MORC1: variants seen among roughly 807,000 people sequenced by gnomAD.
The protein encoded by MORC1 is MORC family CW-type zinc finger 1, also known as MORC family CW-type zinc finger protein 1.
Under a neutral mutation model 134.9 loss-of-function variants are expected in MORC1, and 59 were observed. The ratio of observed to expected loss-of-function variants is 0.44; its 90% CI spans 0.35 to 0.54. MORC1 has a LOEUF of 0.54. Ranked by LOEUF, MORC1 falls within the 20% of genes least tolerant of loss-of-function variation. MORC1 has a pLI of 0.00. For synonymous variants in MORC1, 395 were observed against 391.7 expected, an observed-to-expected ratio of 1.01 and a Z score of -0.10; for missense variants, 947 against 1,134.5, an observed-to-expected ratio of 0.83 and a Z score of 2.37.
At chr3:109,066,381 G>A (rs1040899316) in intron 9 of MORC1, among the ~76,000 whole-genome samples, 3 of 109,614 alleles carry the variant, frequency 2.7e-5, no homozygotes, top group Non-Finnish European at 6.0e-5. Context: ...CACCTCCTGG[G>A]TTCAAGTGAG....
rs371780496 is a variant in MORC1 at position 109,069,914 on chromosome 3, A to C, written c.690-157T>G. Among the ~76,000 whole-genome samples the C allele has an allele frequency of 3.7e-4, 57 of 152,310 alleles. 2 individuals are homozygous for C. The East Asian group carries it at 7.1e-3, about 19-fold the overall frequency. On this transcript the variant is annotated intron_variant, in intron 8 of 27. Coordinates refer to ENST00000232603, the MANE Select transcript of MORC1 (RefSeq NM_014429.4). ...AATGACACCACAAACACCAGCAAAT[A>C]TCACAACACTCACTTCATTAAGGAG...
At position 109,000,668 on chromosome 3, in the gene MORC1, G is replaced by A. The variant is rs1217879629; in HGVS notation, c.2086-10C>T. The A allele has an allele frequency of 2.5e-6, 4 of 1,593,380 alleles. No individual in the cohort carries two copies. Among genetic ancestry groups the A allele is most frequent in the Middle Eastern group, 1.7e-4 (1 of 5,986 alleles). ...TTTCCCAAGAAGCGGCCTATAACAA[G>A]GAATTAACAAAAAAAATACAAGGAT... On this transcript the variant is annotated splice_polypyrimidine_tract_variant and intron_variant, in intron 20 of 27. Coordinates refer to ENST00000232603, the MANE Select transcript of MORC1 (RefSeq NM_014429.4).
intron 13 of MORC1, among the ~76,000 whole-genome samples, chr3:109,055,362 T>A (rs1949933502): frequency 6.6e-6 from 1 of 152,214 alleles, no homozygotes; most frequent in Non-Finnish European, 1.5e-5. Flanking sequence ...GGCTTATCCA[T>A]GAGGATCTCA....
chr3:108,973,626 A>T (rs1576582993), intron 24 of MORC1, among the ~76,000 whole-genome samples: 2 of 120,922 alleles, frequency 1.7e-5, no homozygotes, highest in African/African-American at 6.4e-5. Context: ...ACTGAGTCTC[A>T]CTCTGTTGCT....
At chr3:109,039,100 A>G (rs2107627215) in intron 14 of MORC1, among the ~76,000 whole-genome samples, 1 of 152,238 alleles carries the variant, frequency 6.6e-6, no homozygotes, top group South Asian at 2.1e-4. Context: ...TATTTTTAGT[A>G]GAGATGGACT....
chr3:108,982,019 C>T (rs1310159270), intron 23 of MORC1, among the ~76,000 whole-genome samples: 2 of 152,154 alleles, frequency 1.3e-5, no homozygotes, highest in East Asian at 3.9e-4. Flanking sequence ...TGACAAAGGG[C>T]TAATATCCAG....
rs1168450005 is a variant in MORC1, at chr3:109,093,427, C to T, written c.689+9G>A. Reference sequence around the variant, plus strand: ...TTGTTGAAAAACATTCTGTCAAACACACACATACTCCTCCAGAGCTCCAGC... The same window carrying T: ...TTGTTGAAAAACATTCTGTCAAACATACACATACTCCTCCAGAGCTCCAGC... On this transcript the variant is annotated intron_variant, in intron 8 of 27. Coordinates refer to ENST00000232603, the MANE Select transcript of MORC1 (RefSeq NM_014429.4). 2.5e-6 allele frequency: 4 copies of T among 1,599,670 alleles called. No homozygotes were observed. In the African/African-American group the frequency reaches 5.4e-5, roughly 21 times the overall value.
At chr3:108,985,751 T>C (rs1947879065) in intron 22 of MORC1, among the ~76,000 whole-genome samples, 1 of 152,224 alleles carries the variant, frequency 6.6e-6, no homozygotes, top group Non-Finnish European at 1.5e-5. Flanking sequence ...ATATTAATTT[T>C]AGGATAAAAT....
chr3:109,098,381 G>A (rs1464041929), intron 6 of MORC1, among the ~76,000 whole-genome samples: 6 of 152,078 alleles, frequency 3.9e-5, no homozygotes, highest in Admixed American at 3.9e-4. Context: ...CAACATAAAT[G>A]CTTACAGCAT....
chr3:109,064,858 C>G (rs1248660956), intron 9 of MORC1, among the ~76,000 whole-genome samples: 2 of 152,026 alleles, frequency 1.3e-5, no homozygotes, highest in Non-Finnish European at 2.9e-5. Context: ...ATTTAGTGTG[C>G]CTACTATGAT....
chr3:109,025,473 CCA>C (rs1949054922), intron 17 of MORC1, among the ~76,000 whole-genome samples: 1 of 149,704 alleles, frequency 6.7e-6, no homozygotes, highest in Non-Finnish European at 1.5e-5. Flanking sequence ...CTTCTGCCTC[CCA>C]GGTTCAAAGG....
At chr3:109,062,915 T>C (rs1950115995) in intron 10 of MORC1, among the ~76,000 whole-genome samples, 1 of 152,094 alleles carries the variant, frequency 6.6e-6, no homozygotes, top group African/African-American at 2.4e-5. Context: ...CTAACAAATA[T>C]CAATCTAGTT....
intron 15 of MORC1, among the ~76,000 whole-genome samples, 199 bp from the exon 16 acceptor site, chr3:109,033,024 T>C (rs1403667928): frequency 1.9e-5 from 1 of 52,770 alleles, no homozygotes; most frequent in Non-Finnish European, 4.4e-5. Context: ...CAACAAGTTA[T>C]TATTATTATT....
chr3:108,983,528 G>A (rs1235556958), intron 23 of MORC1, among the ~76,000 whole-genome samples: 1 of 152,162 alleles, frequency 6.6e-6, no homozygotes, highest in East Asian at 1.9e-4. Context: ...CCTTTCAAAA[G>A]CTTAGAATTA....
In MORC1 at chr3:109,057,403, C is replaced by T; in HGVS notation, c.1115G>A (p.Ser372Asn). Residue 372 changes from serine (S) to asparagine (N), a missense_variant, in exon 13 of 28, where the codon AGT becomes AAT. Physicochemically the swap from Ser to Asn is conservative, Grantham distance 46. Coordinates refer to ENST00000232603, the MANE Select transcript of MORC1 (RefSeq NM_014429.4). ...NRSQAGMFIY[S>N]NNRLIKMHEK... ...ATGCATTTTGATCAAACGGTTATTA[C>T]TGTAAATGAACATTCCAGCTTGGCT... The T allele has an allele frequency of 2.4e-5, 38 of 1,612,338 alleles. No individual in the cohort carries two copies. Among genetic ancestry groups the T allele is most frequent in the Non-Finnish European group, 3.2e-5 (38 of 1,179,138 alleles).
At chr3:108,998,191 C>T (rs746307517) in intron 21 of MORC1, among the ~76,000 whole-genome samples, 10 of 152,146 alleles carry the variant, frequency 6.6e-5, no homozygotes, top group Non-Finnish European at 1.3e-4. Flanking sequence ...ATGGGCATAA[C>T]GGGACAGAAC....
chr3:109,018,789 T>C (rs1390623228), intron 17 of MORC1: 2 of 152,206 alleles, frequency 1.3e-5, no homozygotes, highest in Admixed American at 6.5e-5. Flanking sequence ...ATTTCAAACA[T>C]AACTGCTTGT....
chr3:109,084,110 C>T (rs1175129006), intron 8 of MORC1, among the ~76,000 whole-genome samples: 1 of 152,054 alleles, frequency 6.6e-6, no homozygotes, highest in Non-Finnish European at 1.5e-5. Context: ...AAGACAGGGA[C>T]ACCCACTGTC....
At chr3:109,092,399 T>C (rs1187320929) in intron 8 of MORC1, among the ~76,000 whole-genome samples, 1 of 152,184 alleles carries the variant, frequency 6.6e-6, no homozygotes, top group East Asian at 1.9e-4. Flanking sequence ...TTCACCTCAT[T>C]GGGAAAAGCA....
Sources: allele counts gnomAD v4.1 joint callset (sites outside exome capture counted in the v4.1 genomes callset), GRCh38; gene constraint gnomAD v4.1.1; transcripts MANE v1.5; gene names NCBI Gene and HGNC (gene_info 2026-07-23, HGNC 2026-07-21).